The following TTC12 variants were observed in gnomAD, a reference collection of about 807,000 sequenced individuals.
TTC12 encodes the protein tetratricopeptide repeat domain 12, also known as tetratricopeptide repeat protein 12.
A neutral mutation model predicts 90.1 loss-of-function variants in TTC12; 70 were observed. The observed-to-expected ratio is 0.78, with a 90% CI of 0.64 to 0.95. The LOEUF (loss-of-function observed/expected upper bound fraction) is 0.95, where lower values mean the gene tolerates loss of function less well. TTC12 is among the 40% of genes least tolerant of loss of function. TTC12 has a pLI of 0.00. For synonymous variants in TTC12, 296 were observed against 311.5 expected (o/e 0.95, Z 0.53); for missense variants, 819 against 846.1 (o/e 0.97, Z 0.40).
intron 8 of TTC12, among the ~76,000 whole-genome samples, chr11:113,335,757 T>A (rs1430590978): frequency 6.6e-6 from 1 of 152,240 alleles, no homozygotes; most frequent in African/African-American, 2.4e-5. Context: ...GTATCAGTTC[T>A]TCATTCCTTT....
chr11:113,370,557 C>A (rs1276956569), downstream of TTC12, among the ~76,000 whole-genome samples: 1 of 152,228 alleles, frequency 6.6e-6, no homozygotes, highest in Non-Finnish European at 1.5e-5. Flanking sequence ...TTCAAAAAGG[C>A]AAAATGATGA....
intron 7 of TTC12, among the ~76,000 whole-genome samples, chr11:113,333,476 G>GA (rs1948177420): frequency 6.6e-6 from 1 of 152,020 alleles, no homozygotes; most frequent in Non-Finnish European, 1.5e-5. Flanking sequence ...GCACCTTTCT[G>GA]AAGGAGATTT....
chr11:113,325,931 G>A (rs1555140936), intron 6 of TTC12, among the ~76,000 whole-genome samples: 1 of 152,158 alleles, frequency 6.6e-6, no homozygotes. Context: ...CACTGATGGT[G>A]ACCATGCACT....
At chr11:113,360,209 T>C (rs1949845903) in intron 18 of TTC12, among the ~76,000 whole-genome samples, 1 of 152,176 alleles carries the variant, frequency 6.6e-6, no homozygotes, top group African/African-American at 2.4e-5. Flanking sequence ...GTTTCAGAGA[T>C]TTGGTGACCT....
intron 16 of TTC12, among the ~76,000 whole-genome samples, chr11:113,355,259 A>C (rs1555152017): frequency 6.6e-6 from 1 of 151,992 alleles, no homozygotes; most frequent in African/African-American, 2.4e-5. Context: ...GGTGTTCATA[A>C]TATTCTCTGA....
At chr11:113,323,177 T>G in intron 2 of TTC12, 111 bp from the exon 3 acceptor site, 1 of 780,548 alleles carries the variant, frequency 1.3e-6, no homozygotes, top group East Asian at 3.2e-5. Flanking sequence ...TTTCTATTGC[T>G]CTATTTTTTT....
At chr11:113,357,713 C>T (rs1949702150) in intron 16 of TTC12, among the ~76,000 whole-genome samples, 1 of 152,168 alleles carries the variant, frequency 6.6e-6, no homozygotes, top group Non-Finnish European at 1.5e-5. Context: ...ATTCAGCTCC[C>T]AACTTCTGGA....
Position 113,364,820 on chromosome 11 carries a change from C to T in TTC12, c.1817-15C>T, listed in dbSNP as rs1007603047. 2.5e-6 allele frequency: 4 copies of T among 1,612,200 alleles called. No individual in the cohort carries two copies. Among genetic ancestry groups the T allele is most frequent in the African/African-American group, 2.7e-5 (2 of 74,898 alleles). ...ATTAAAAGGAGCTGTTGCTTGTTCT[C>T]TTCTTTCCCTGCAGAGTTGAGCGTT... On this transcript the variant is annotated splice_polypyrimidine_tract_variant and intron_variant, in intron 20 of 21. Coordinates refer to ENST00000529221, the MANE Select transcript of TTC12 (RefSeq NM_017868.4).
At position 113,366,184 on chromosome 11, in the gene TTC12, G is replaced by A. The variant is rs186532287; in HGVS notation, c.2043-41G>A. ...GCTCTGGGCTCCAGAAGCCTGAACC[G>A]TGGCACTTATGCCCTGGGTTGTTTG... On this transcript the variant is annotated intron_variant, in intron 21 of 21. Coordinates refer to ENST00000529221, the MANE Select transcript of TTC12 (RefSeq NM_017868.4). The A allele has an allele frequency of 4.2e-4, 674 of 1,607,354 alleles. 2 individuals are homozygous for A. Among genetic ancestry groups the A allele is most frequent in the East Asian group, 3.1e-4 (14 of 44,860 alleles).
downstream of TTC12, chr11:113,368,881 A>G (rs2138098149): frequency 9.2e-6 from 2 of 216,574 alleles, no homozygotes; most frequent in East Asian, 1.9e-4. Flanking sequence ...GCACTAACCT[A>G]ATATTCTGAG....
chr11:113,354,954 GGAT>G, intron 16 of TTC12, among the ~76,000 whole-genome samples: 2 of 152,284 alleles, frequency 1.3e-5, no homozygotes, highest in East Asian at 3.9e-4. Flanking sequence ...TTGGGAATCA[GGAT>G]GATGCTGGTC....
Position 113,323,248 on chromosome 11 carries a change from A to T in TTC12, c.59-40A>T, listed in dbSNP as rs200511828. 2.8e-4 allele frequency: 415 copies of T among 1,471,120 alleles called. 1 individual carries two copies. Among genetic ancestry groups the T allele is most frequent in the Non-Finnish European group, 3.6e-4 (403 of 1,104,978 alleles). The allele number at this position is 1,471,120 out of a possible 1,614,324, so 91.1% of individuals were successfully genotyped here. Reference sequence around the variant, plus strand: ...CTTTCTAGTGAATAGAGTCTTTTGAATATCTTGTTTGATTAAGTCACACCT... The same window carrying T: ...CTTTCTAGTGAATAGAGTCTTTTGATTATCTTGTTTGATTAAGTCACACCT... On this transcript the variant is annotated intron_variant, in intron 2 of 21. Transcript: ENST00000529221.
In TTC12 at chr11:113,359,213, C is replaced by T. The variant is rs11606008; in HGVS notation, c.1447-150C>T. 0.041 allele frequency: 23,606 copies of T among 569,666 alleles called. 692 individuals are homozygous for T. The highest frequency in any genetic ancestry group is 0.052 in the Non-Finnish European group (16,071 of 310,746). The allele number at this position is 569,666 out of a possible 1,614,324, so 35.3% of individuals were successfully genotyped here. ...CCTGGACCAACACTAACTCATAGAA[C>T]TGGTCTCTGATCCTCCACCATCATT... On this transcript the variant is annotated intron_variant, in intron 16 of 21. Coordinates refer to ENST00000529221, the MANE Select transcript of TTC12 (RefSeq NM_017868.4).
chr11:113,343,158 G>A (rs183280119), intron 12 of TTC12, among the ~76,000 whole-genome samples: 87 of 152,282 alleles, frequency 5.7e-4, no homozygotes, highest in African/African-American at 2.0e-3. Flanking sequence ...ATCTATTGTG[G>A]AGTTGAGAAG....
chr11:113,334,496 A>G (rs1444531776), intron 7 of TTC12, among the ~76,000 whole-genome samples: 1 of 152,078 alleles, frequency 6.6e-6, no homozygotes, highest in Non-Finnish European at 1.5e-5. Context: ...TCTTAGAGTA[A>G]GTTCTCTTCT....
intron 2 of TTC12, among the ~76,000 whole-genome samples, chr11:113,322,683 A>C (rs992329537): frequency 1.3e-5 from 2 of 152,222 alleles, no homozygotes; most frequent in African/African-American, 4.8e-5. Flanking sequence ...TGTCTCCCTC[A>C]GTACATAGCA....
downstream of TTC12, chr11:113,369,213 G>C (rs781198540): frequency 6.6e-6 from 1 of 152,358 alleles, no homozygotes; most frequent in East Asian, 1.9e-4. Context: ...TGCAACCTCT[G>C]CCTCCCAGGT....
chr11:113,347,653 G>A (rs1949046558), intron 13 of TTC12, among the ~76,000 whole-genome samples: 1 of 152,114 alleles, frequency 6.6e-6, no homozygotes, highest in Non-Finnish European at 1.5e-5. Context: ...CAGCTTTCCA[G>A]TACTTTAGAT....
intron 8 of TTC12, among the ~76,000 whole-genome samples, chr11:113,338,463 G>A (rs1411884541): frequency 6.6e-6 from 1 of 152,022 alleles, no homozygotes; most frequent in Non-Finnish European, 1.5e-5. Flanking sequence ...TCTAAGTTTT[G>A]CGTTTACTTT....
Sources: allele counts gnomAD v4.1 joint callset (sites outside exome capture counted in the v4.1 genomes callset), GRCh38; gene constraint gnomAD v4.1.1; transcripts MANE v1.5; gene names NCBI Gene and HGNC (gene_info 2026-07-23, HGNC 2026-07-21).